Variants in ICAM5 observed in about 807,000 individuals in gnomAD.
The protein encoded by ICAM5 is ICAM-5.
ICAM5 carries 38 observed loss-of-function variants against 78.8 expected under a neutral mutation model. The observed-to-expected ratio is 0.48, with a 90% confidence interval of 0.37 to 0.63. ICAM5 has a LOEUF of 0.63. Ranked by LOEUF, ICAM5 falls within the 30% of genes least tolerant of loss-of-function variation. The pLI, the probability that ICAM5 is intolerant of heterozygous loss-of-function variation, is 0.00. For synonymous variants in ICAM5, 544 were observed against 590.9 expected (o/e 0.92, Z 1.15); for missense variants, 1,059 against 1,303.0 (o/e 0.81, Z 2.88).
rs764712907 is a variant in ICAM5, at chr19:10,292,793, C to A, written c.1143C>A (p.Phe381Leu). 1.9e-6 allele frequency: 3 copies of A among 1,613,466 alleles called. No homozygotes were observed. The highest frequency in any genetic ancestry group is 2.5e-6 in the Non-Finnish European group (3 of 1,180,006). ...CCGAGAACGACGACAGACGCAGCTTCTTCTGCGACGCCACCCTCGATGTGG... is the reference window on the plus strand; with the variant it reads ...CCGAGAACGACGACAGACGCAGCTTATTCTGCGACGCCACCCTCGATGTGG... ...NATENDDRRS[F>L]FCDATLDVDG... The change falls in exon 5 of 11, where the codon TTC (phenylalanine) becomes TTA (leucine). Residue 381 changes from phenylalanine (F) to leucine (L), a missense_variant. Transcript: ENST00000221980.
Position 10,290,377 on chromosome 19 carries a change from G to A in ICAM5, c.82+252G>A. 2.2e-6 allele frequency: 1 copy of A among 458,084 alleles called. No homozygotes were observed. Among genetic ancestry groups the A allele is most frequent in the East Asian group, 3.6e-5 (1 of 27,614 alleles). The allele number at this position is 458,084 out of a possible 1,614,324, so 28.4% of individuals were successfully genotyped here. On this transcript the variant is annotated intron_variant, in intron 1 of 10. Transcript: ENST00000221980. This position sits in a 1 kb window ranked among gnomAD's most constrained non-coding sequence, Gnocchi z 5.7. The stretch of plus-strand genomic sequence containing the variant: ...TCCGCACCCAACCCTTCGCCCTGGA[G>A]ACCCAGTGTCTCTCCTGTCCGCTCC...
chr19:10,290,405 G>C lies in ICAM5; in HGVS notation c.82+280G>C, dbSNP rs2040161871. The stretch of plus-strand genomic sequence containing the variant: ...CCAGTGTCTCTCCTGTCCGCTCCCC[G>C]GGTACCTCCTTACGCTGTGCTGTGC... On this transcript the variant is annotated intron_variant, in intron 1 of 10. Transcript: ENST00000221980. This position sits in a 1 kb window ranked among gnomAD's most constrained non-coding sequence, Gnocchi z 5.7. 1 of 417,688 alleles carries C rather than the reference G, an allele frequency of 2.4e-6. No individual in the cohort carries two copies. The highest frequency in any genetic ancestry group is 4.4e-5 in the South Asian group (1 of 22,708). 25.9% of individuals were successfully genotyped at this position (417,688 alleles called of 1,614,324 possible). A position where few individuals can be genotyped will look rare whatever the true frequency, so the allele number is the denominator to read the frequency against.
At chr19:10,296,110 T>G (rs868070939) in intron 10 of ICAM5, among the ~76,000 whole-genome samples, 2 of 152,046 alleles carry the variant, frequency 1.3e-5, no homozygotes, top group Admixed American at 6.6e-5. Flanking sequence ...GGGGGCTAAG[T>G]GTGGTCACGG....
chr19:10,294,750 A>T lies in ICAM5; in HGVS notation c.2230+110A>T. ...CCAATCCCATTCTCGGGGACAGGGA[A>T]TTCCAGCCTAAACCAGGGGGTAATG... On this transcript the variant is annotated intron_variant, in intron 9 of 10. Transcript: ENST00000221980. This position sits in a 1 kb window ranked among gnomAD's most constrained non-coding sequence, Gnocchi z 7.7. The T allele has an allele frequency of 6.6e-7, 1 of 1,513,524 alleles. No homozygotes were observed. Among genetic ancestry groups the T allele is most frequent in the Non-Finnish European group, 8.9e-7 (1 of 1,117,744 alleles). 93.8% of individuals were successfully genotyped at this position (1,513,524 alleles called of 1,614,324 possible). A position where few individuals can be genotyped will look rare whatever the true frequency, so the allele number is the denominator to read the frequency against.
At position 10,294,551 on chromosome 19, in the gene ICAM5, G is replaced by A. The variant is rs765799576; in HGVS notation, c.2141G>A (p.Arg714His). 1 of 1,612,430 alleles carries A rather than the reference G, an allele frequency of 6.2e-7. No individual in the cohort carries two copies. ...GGCATCCCATGGCCTGAGCAGCAGC[G>A]CGTGTCCCGAGAGGACGCGGGCACT... ...REGIPWPEQQ[R>H]VSREDAGTYH... The change falls in exon 9 of 11, where the codon CGC (arginine) becomes CAC (histidine). Residue 714 changes from arginine to histidine, a missense_variant. By Grantham distance (29) the Arg-to-His change is conservative. This residue lies in a region of ICAM5 where 135 missense variants were observed against 230.2 expected (regional missense o/e 0.59). Transcript: ENST00000221980. The surrounding 1 kb of genome is among the most constrained non-coding windows in gnomAD (Gnocchi z 7.7).
chr19:10,292,442 T>A, intron 4 of ICAM5, 120 bp downstream of exon 4: 4 of 1,338,042 alleles, frequency 3.0e-6, no homozygotes, highest in Middle Eastern at 2.7e-4. Context: ...GCGGGGCAGG[T>A]GGGGGCGGAG....
In ICAM5 at chr19:10,292,716, G is replaced by A. The variant is rs1024975076; in HGVS notation, c.1066G>A (p.Gly356Arg). The A allele has an allele frequency of 1.2e-6, 2 of 1,613,222 alleles. No homozygotes were observed. The highest frequency in any genetic ancestry group is 2.7e-5 in the African/African-American group (2 of 74,882). ...AGAQALVTLE[G>R]VPAAVPGQPA... ...GGCCCAAGCTCTGGTCACACTGGAG[G>A]GAGTTCCAGCCGCGGTCCCGGGGCA... Residue 356 changes from glycine (G) to arginine (R), a missense_variant, in exon 5 of 11, where the codon GGA becomes AGA. This residue lies in a region of ICAM5 where 815 missense variants were observed against 952.8 expected (regional missense o/e 0.86). Transcript: ENST00000221980.
chr19:10,296,501 CGGGCGGCGGCGCTGGCG>C lies in ICAM5; in HGVS notation c.2668_2684del (p.Gly890ArgfsTer79). On this transcript the variant is annotated frameshift_variant, in exon 11 of 11. Transcript: ENST00000221980. LOFTEE classifies it low-confidence loss of function (END_TRUNC). ...GGCGAGGCCGTGTGTCTGAACGGAG[CGGGCGGCGGCGCTGGCG>C]GGGCGGCAGGCGCGGAGGGCGGACC... The C allele has an allele frequency of 8.1e-7, 1 of 1,230,128 alleles. No homozygotes were observed. The highest frequency in any genetic ancestry group is 1.0e-6 in the Non-Finnish European group (1 of 970,280). The allele number at this position is 1,230,128 out of a possible 1,614,324, so 76.2% of individuals were successfully genotyped here. A position where few individuals can be genotyped will look rare whatever the true frequency, so the allele number is the denominator to read the frequency against.
chr19:10,296,683 T>A lies in ICAM5; in HGVS notation c.*67T>A, dbSNP rs1405149572. The A allele has an allele frequency of 1.7e-6, 2 of 1,158,568 alleles. No homozygotes were observed. Among genetic ancestry groups the A allele is most frequent in the African/African-American group, 3.2e-5 (2 of 61,802 alleles). The allele number at this position is 1,158,568 out of a possible 1,614,324, so 71.8% of individuals were successfully genotyped here. On this transcript the variant is annotated 3_prime_UTR_variant, in exon 11 of 11. Transcript: ENST00000221980. The stretch of plus-strand genomic sequence containing the variant: ...ACTCACACGGGGGCTTATTTATTGC[T>A]TTATTTATTTACTTATTCATTTATT...
intron 4 of ICAM5, 126 bp from the exon 5 acceptor site, chr19:10,292,486 C>T (rs976936093): frequency 2.8e-6 from 4 of 1,405,928 alleles, no homozygotes; most frequent in Non-Finnish European, 3.8e-6. Flanking sequence ...CCTGTACAGC[C>T]TGAGAGGCGG....
In ICAM5 at chr19:10,294,292, C is replaced by A. The variant is rs772732398; in HGVS notation, c.1964C>A (p.Ala655Asp). Reference protein sequence around the residue: ...CNATNRHGSVAKTVVVSAESP... With the variant: ...CNATNRHGSVDKTVVVSAESP... ...GCCACCAACCGCCACGGCTCCGTGG[C>A]CAAAACAGTCGTCGTGAGCGCGGAG... is the stretch of plus-strand genomic sequence containing the variant. The change falls in exon 8 of 11, where the codon GCC becomes GAC. Residue 655 changes from alanine (A) to aspartate (D), a missense_variant. Around this residue, in one of 3 missense-constraint regions of ICAM5, gnomAD observed 815 missense variants for 952.8 expected, o/e 0.86. Coordinates refer to ENST00000221980, the MANE Select transcript of ICAM5 (RefSeq NM_003259.4). This position sits in a 1 kb window ranked among gnomAD's most constrained non-coding sequence, Gnocchi z 7.7. The A allele has an allele frequency of 1.2e-6, 2 of 1,613,166 alleles. No individual in the cohort carries two copies. Among genetic ancestry groups the A allele is most frequent in the Non-Finnish European group, 1.7e-6 (2 of 1,179,828 alleles).
At position 10,291,809 on chromosome 19, in the gene ICAM5, T is replaced by A. The variant is rs1474452717; in HGVS notation, c.673T>A (p.Ser225Thr). 1.2e-6 allele frequency: 2 copies of A among 1,607,734 alleles called. No individual in the cohort carries two copies. Among genetic ancestry groups the A allele is most frequent in the East Asian group, 4.5e-5 (2 of 44,786 alleles). Residue 225 changes from serine (S) to threonine (T), a missense_variant and splice_region_variant, in exon 3 of 11, where the codon TCC becomes ACC. Ser to Thr is a moderately conservative substitution (Grantham distance 58). This residue lies in a region of ICAM5 where 815 missense variants were observed against 952.8 expected (regional missense o/e 0.86). Transcript: ENST00000221980. The stretch of plus-strand genomic sequence containing the variant: ...GGCCCCCAGAGAGCTCCGAACCTTC[T>A]GTGAGTGGGTGTGGGGAGGAGATGG... ...SSAPRELRTF[S>T]LSPDAPRLAA...
rs2040194344 is a variant in ICAM5, at chr19:10,293,600, G to C, written c.1466-98G>C. 1 of 1,496,152 alleles carries C rather than the reference G, an allele frequency of 6.7e-7. No homozygotes were observed. The highest frequency in any genetic ancestry group is 2.3e-5 in the East Asian group (1 of 43,902). The allele number at this position is 1,496,152 out of a possible 1,614,324, so 92.7% of individuals were successfully genotyped here. On this transcript the variant is annotated intron_variant, in intron 6 of 10. Coordinates refer to ENST00000221980, the MANE Select transcript of ICAM5 (RefSeq NM_003259.4). The surrounding 1 kb of genome is among the most constrained non-coding windows in gnomAD (Gnocchi z 5.0). ...GGATCGGCGTCCAAGGGTTATGCAG[G>C]GACAACACTTCGTGGAAGCCTTGCC... is the stretch of plus-strand genomic sequence containing the variant.
rs550694678 is a variant in ICAM5 at position 10,295,611 on chromosome 19, C to G, written c.2496C>G (p.Ala832=). 1.3e-6 allele frequency: 2 copies of G among 1,539,344 alleles called. No homozygotes were observed. Among genetic ancestry groups the G allele is most frequent in the Non-Finnish European group, 8.7e-7 (1 of 1,144,682 alleles). Residue 832 remains alanine (A), a splice_region_variant and synonymous_variant, in exon 10 of 11, where the codon GCC becomes GCG. Transcript: ENST00000221980. ...CGCGGCGCATCACGGTGCGCGTGGCCGGTAAGTGGCAGCTGGGGAGAGGCG... is the reference window on the plus strand; with the variant it reads ...CGCGGCGCATCACGGTGCGCGTGGCGGGTAAGTGGCAGCTGGGGAGAGGCG... ...RHARRITVRV[A]GPWLWVAVGG... is the part of the protein sequence containing the mutation.
chr19:10,293,738 T>C lies in ICAM5; in HGVS notation c.1506T>C (p.Ile502=), dbSNP rs1482491966. 3.7e-6 allele frequency: 6 copies of C among 1,613,822 alleles called. No individual in the cohort carries two copies. The South Asian group carries it at 5.5e-5, about 15-fold the overall frequency. Residue 502 remains isoleucine, a synonymous_variant, in exon 7 of 11, where the codon ATT becomes ATC. Coordinates refer to ENST00000221980, the MANE Select transcript of ICAM5 (RefSeq NM_003259.4). The surrounding 1 kb of genome is among the most constrained non-coding windows in gnomAD (Gnocchi z 5.0). The part of the protein sequence containing the change: ...ALDSVGCPER[I]TWLEGTEASL... The stretch of plus-strand genomic sequence containing the variant: ...ACAGCGTGGGCTGCCCAGAACGCAT[T>C]ACTTGGCTGGAGGGAACAGAAGCCT...
chr19:10,292,302 G>A lies in ICAM5; in HGVS notation c.941G>A (p.Arg314Gln), dbSNP rs2040180197. The part of the protein sequence containing the change: ...VTLGGENRET[R>Q]ENVTIYSFPA... ...CTGGGGGGCGAAAACCGGGAGACCC[G>A]GGAGAACGTGACCATCTACAGTAAG... Residue 314 changes from arginine to glutamine, a missense_variant, in exon 4 of 11, where the codon CGG (arginine) becomes CAG (glutamine). By Grantham distance (43) the Arg-to-Gln change is conservative (BLOSUM62 1). This residue lies in a region of ICAM5 where 815 missense variants were observed against 952.8 expected (regional missense o/e 0.86). Transcript: ENST00000221980. 1.2e-6 allele frequency: 2 copies of A among 1,606,292 alleles called. No individual in the cohort carries two copies. The highest frequency in any genetic ancestry group is 1.7e-6 in the Non-Finnish European group (2 of 1,177,536).
At position 10,293,456 on chromosome 19, in the gene ICAM5, C is replaced by T. The variant is rs1467818363; in HGVS notation, c.1465+210C>T. On this transcript the variant is annotated intron_variant, in intron 6 of 10. Coordinates refer to ENST00000221980, the MANE Select transcript of ICAM5 (RefSeq NM_003259.4). This position sits in a 1 kb window ranked among gnomAD's most constrained non-coding sequence, Gnocchi z 5.0. Reference sequence around the variant, plus strand: ...CCTAGCCTAGGGCGTGGTATTTGGGCGGAGTCGTGGAAAGGCGGGCAGTCC... The same window carrying T: ...CCTAGCCTAGGGCGTGGTATTTGGGTGGAGTCGTGGAAAGGCGGGCAGTCC... 6.6e-6 allele frequency among the ~76,000 whole-genome samples: 1 copy of T among 151,996 alleles called. No homozygotes were observed. The highest frequency in any genetic ancestry group is 6.6e-5 in the Admixed American group (1 of 15,256).
Position 10,296,341 on chromosome 19 carries a change from C to G in ICAM5, c.2500C>G (p.Pro834Ala). 1 of 1,239,922 alleles carries G rather than the reference C, an allele frequency of 8.1e-7. No individual in the cohort carries two copies. Among genetic ancestry groups the G allele is most frequent in the Non-Finnish European group, 1.0e-6 (1 of 984,228 alleles). The allele number at this position is 1,239,922 out of a possible 1,614,324, so 76.8% of individuals were successfully genotyped here. The change falls in exon 11 of 11, where the codon CCG (proline) becomes GCG (alanine). Residue 834 changes from proline (P) to alanine (A), a missense_variant and splice_region_variant. Physicochemically the swap from Pro to Ala is conservative, Grantham distance 27 (BLOSUM62 -1). This residue lies in a region of ICAM5 where 135 missense variants were observed against 230.2 expected (regional missense o/e 0.59). Transcript: ENST00000221980. ...CCGCGAGGGTCTCCACCCCGCAGGTCCGTGGCTATGGGTCGCCGTGGGCGG... is the reference window on the plus strand; with the variant it reads ...CCGCGAGGGTCTCCACCCCGCAGGTGCGTGGCTATGGGTCGCCGTGGGCGG... ...ARRITVRVAG[P>A]WLWVAVGGAA...
Position 10,295,390 on chromosome 19 carries a change from G to A in ICAM5, c.2275G>A (p.Val759Met). The A allele has an allele frequency of 6.3e-7, 1 of 1,597,790 alleles. No homozygotes were observed. The highest frequency in any genetic ancestry group is 8.5e-7 in the Non-Finnish European group (1 of 1,174,316). ...AELAASPPGGVRPGGNFTLTC... is the reference protein window; with the variant it reads ...AELAASPPGGMRPGGNFTLTC... ...ACTTGCTGCCTCGCCCCCTGGAGGC[G>A]TGCGCCCAGGAGGAAACTTCACGTT... The change falls in exon 10 of 11, where the codon GTG becomes ATG. Residue 759 changes from valine (V) to methionine (M), a missense_variant. Transcript: ENST00000221980.
Sources: gnomAD v4.1 joint callset for allele counts (sites outside exome capture counted in the v4.1 genomes callset) on GRCh38, gnomAD v4.1.1 for gene constraint, gnomAD v4.1.1 regional missense constraint, Gnocchi (gnomAD v3.1) non-coding constraint, MANE v1.5 for transcripts, NCBI Gene and HGNC (gene_info 2026-07-23, HGNC 2026-07-21) for gene names.